Variants in PKP3 observed in about 807,000 individuals in gnomAD.
The protein encoded by PKP3 is plakophilin-3.
In PKP3, 66 loss-of-function variants were observed where a neutral mutation model predicts 76.5. The ratio of observed to expected loss-of-function variants is 0.86; its 90% CI spans 0.71 to 1.06. PKP3 has a LOEUF of 1.06. PKP3 is among the 50% of genes least tolerant of loss of function. The pLI is 0.00. For synonymous variants in PKP3, 638 were observed against 516.5 expected (o/e 1.24, Z -3.19); for missense variants, 1,338 against 1,141.0 (o/e 1.17, Z -2.49).
chr11:397,777 T>C, intron 4 of PKP3, 115 bp downstream of exon 4: 1 of 1,037,948 alleles, frequency 9.6e-7, no homozygotes, highest in East Asian at 2.6e-5. Flanking sequence ...GCTGACTGGG[T>C]AGACCCCACT....
chr11:398,132 C>T, intron 4 of PKP3, among the ~76,000 whole-genome samples: 1 of 70,468 alleles, frequency 1.4e-5, no homozygotes, highest in South Asian at 5.7e-4. Flanking sequence ...CCTACCCCCA[C>T]ATATACCTCA....
rs925281699 is a variant in PKP3 at position 399,950 on chromosome 11, C to T, written c.1274-17C>T. ...GTTGGAGGGCAGACGCTGATAGCAG[C>T]CTCCCCCGTCCTCCAGGGATCCTGT... On this transcript the variant is annotated splice_polypyrimidine_tract_variant and intron_variant, in intron 5 of 12. Coordinates refer to ENST00000331563, the MANE Select transcript of PKP3 (RefSeq NM_007183.4). The T allele has an allele frequency of 5.1e-6, 8 of 1,581,010 alleles. No homozygotes were observed. Among genetic ancestry groups the T allele is most frequent in the Non-Finnish European group, 6.9e-6 (8 of 1,164,752 alleles).
At position 403,171 on chromosome 11, in the gene PKP3, T is replaced by C; in HGVS notation, c.1831T>C (p.Tyr611His). The change falls in exon 9 of 13, where the codon TAC becomes CAC. Residue 611 changes from tyrosine (Y) to histidine (H), a missense_variant. By Grantham distance (83) the Tyr-to-His change is moderately conservative. Coordinates refer to ENST00000331563, the MANE Select transcript of PKP3 (RefSeq NM_007183.4). ...GTGGAGCCCCCAGATCGTGGGGCTG[T>C]ACAACCGGCTGCTGCAGCGCTGCGA... is the stretch of plus-strand genomic sequence containing the variant. ...WLWSPQIVGL[Y>H]NRLLQRCELN... 2 of 1,587,828 alleles carry C rather than the reference T, an allele frequency of 1.3e-6. No homozygotes were observed.
chr11:392,777 C>CT, upstream of PKP3: 1 of 777,462 alleles, frequency 1.3e-6, no homozygotes, highest in Non-Finnish European at 1.9e-6. Flanking sequence ...CTCACCCATC[C>CT]TTTCAGTGGA....
chr11:404,569 G>A lies in PKP3; in HGVS notation c.2394G>A (p.Ter798=). 2 of 1,612,502 alleles carry A rather than the reference G, an allele frequency of 1.2e-6. No homozygotes were observed. The highest frequency in any genetic ancestry group is 1.1e-5 in the South Asian group (1 of 91,090). ...GYRKEDFLGP[*] is the part of the protein sequence containing the mutation. Reference sequence around the variant, plus strand: ...GGAAGGAGGACTTCCTGGGCCCATAGGTGAAGCCTTCTGGAGGAGAAGGTG... The same window carrying A: ...GGAAGGAGGACTTCCTGGGCCCATAAGTGAAGCCTTCTGGAGGAGAAGGTG... The change falls in exon 13 of 13, where the codon TAG becomes TAA. Residue 798 remains the stop codon, a stop_retained_variant. Coordinates refer to ENST00000331563, the MANE Select transcript of PKP3 (RefSeq NM_007183.4). The surrounding 1 kb of genome is among the most constrained non-coding windows in gnomAD (Gnocchi z 4.2).
chr11:395,068 G>A (rs1847027687), intron 1 of PKP3, among the ~76,000 whole-genome samples: 1 of 152,104 alleles, frequency 6.6e-6, no homozygotes, highest in Admixed American at 6.5e-5. Flanking sequence ...AGATTTCTCT[G>A]TGGGAACAGC....
intron 5 of PKP3, 43 bp downstream of exon 5, chr11:399,239 G>A (rs535525277): frequency 1.4e-5 from 19 of 1,313,780 alleles, no homozygotes; most frequent in East Asian, 8.8e-5. Context: ...CTCCACCTGC[G>A]CCCCTCTGCC....
chr11:399,372 C>T (rs1270296849), intron 5 of PKP3, among the ~76,000 whole-genome samples, 176 bp downstream of exon 5: 2 of 33,512 alleles, frequency 6.0e-5, no homozygotes, highest in South Asian at 2.9e-3. Flanking sequence ...CCTTACCCCC[C>T]CACCTGCCCG....
intron 8 of PKP3, among the ~76,000 whole-genome samples, chr11:401,038 A>C (rs1333963069): frequency 6.5e-3 from 2 of 306 alleles, no homozygotes; most frequent in African/African-American, 0.045. Context: ...CCCCGCTCAC[A>C]CCCGGCCCCG....
In PKP3 at chr11:400,168, G is replaced by A. The variant is rs1847127524; in HGVS notation, c.1448+27G>A. 3 of 1,510,372 alleles carry A rather than the reference G, an allele frequency of 2.0e-6. No homozygotes were observed. The South Asian group carries it at 3.9e-5, about 20-fold the overall frequency. 93.6% of individuals were successfully genotyped at this position (1,510,372 alleles called of 1,614,324 possible). ...TGCGCCAGCCTCGGGCAGCGGGGTG[G>A]GGATTGCAGGCGCGGGTCACTGTGG... On this transcript the variant is annotated intron_variant, in intron 6 of 12. Coordinates refer to ENST00000331563, the MANE Select transcript of PKP3 (RefSeq NM_007183.4).
chr11:404,774 G>A lies in PKP3; in HGVS notation c.*205G>A. On this transcript the variant is annotated 3_prime_UTR_variant, in exon 13 of 13. Coordinates refer to ENST00000331563, the MANE Select transcript of PKP3 (RefSeq NM_007183.4). The surrounding 1 kb of genome is among the most constrained non-coding windows in gnomAD (Gnocchi z 4.2). ...GGGACTTGGCTTCCGCAGGGCAGGG[G>A]GTGGGGCAGGGCTCAAGGCTGCTCT... 8.4e-6 allele frequency: 5 copies of A among 594,160 alleles called. No individual in the cohort carries two copies. The highest frequency in any genetic ancestry group is 1.5e-5 in the Non-Finnish European group (5 of 333,196). The allele number at this position is 594,160 out of a possible 1,614,324, so 36.8% of individuals were successfully genotyped here. A position where few individuals can be genotyped will look rare whatever the true frequency, so the allele number is the denominator to read the frequency against.
chr11:397,920 C>T (rs1411999971), intron 4 of PKP3: 10 of 476,894 alleles, frequency 2.1e-5, no homozygotes, highest in East Asian at 3.9e-5. Context: ...GCGTCACCTC[C>T]GTACCCCCAC....
chr11:400,036 T>A lies in PKP3; in HGVS notation c.1343T>A (p.Leu448His). The change falls in exon 6 of 13, where the codon CTC becomes CAC. Residue 448 changes from leucine to histidine, a missense_variant. By Grantham distance (99) the Leu-to-His change is moderately conservative. Transcript: ENST00000331563. Reference sequence around the variant, plus strand: ...CTGGCCAGAGACACGCTGGAGCAGCTCACAGACCTGGTGTTGAGCCCCCTG... The same window carrying A: ...CTGGCCAGAGACACGCTGGAGCAGCACACAGACCTGGTGTTGAGCCCCCTG... Reference protein sequence around the residue: ...DRLARDTLEQLTDLVLSPLSG... With the variant: ...DRLARDTLEQHTDLVLSPLSG... 6.2e-7 allele frequency: 1 copy of A among 1,608,282 alleles called. No homozygotes were observed.
chr11:395,163 G>C (rs916858771), intron 1 of PKP3, among the ~76,000 whole-genome samples: 1 of 152,242 alleles, frequency 6.6e-6, no homozygotes, highest in African/African-American at 2.4e-5. Context: ...GTGCATGCGT[G>C]TGAGTGTGAG....
In PKP3 at chr11:396,279, A is replaced by G. The variant is rs1847043405; in HGVS notation, c.233-329A>G. On this transcript the variant is annotated intron_variant, in intron 1 of 12. Transcript: ENST00000331563. ...CCTGGAGGAGGCTGGGCACTGTACCATGGCAAGGATTGGAGAACTGATGTC... is the reference window on the plus strand; with the variant it reads ...CCTGGAGGAGGCTGGGCACTGTACCGTGGCAAGGATTGGAGAACTGATGTC... 9.5e-6 allele frequency: 3 copies of G among 314,480 alleles called. No individual in the cohort carries two copies. In the South Asian group the frequency reaches 2.0e-4, roughly 21 times the overall value. The allele number at this position is 314,480 out of a possible 1,614,324, so 19.5% of individuals were successfully genotyped here.
upstream of PKP3, chr11:394,074 C>A: frequency 1.6e-6 from 1 of 621,818 alleles, no homozygotes; most frequent in Non-Finnish European, 2.5e-6. Flanking sequence ...TGTTCTTCCG[C>A]CCAAATTCCA....
At position 400,220 on chromosome 11, in the gene PKP3, G is replaced by T; in HGVS notation, c.1448+79G>T. 4 of 1,415,666 alleles carry T rather than the reference G, an allele frequency of 2.8e-6. No homozygotes were observed. The South Asian group carries it at 5.6e-5, about 20-fold the overall frequency. The allele number at this position is 1,415,666 out of a possible 1,614,324, so 87.7% of individuals were successfully genotyped here. ...GACTCCGCCTGGCCTGGCGTTCGCA[G>T]CCCACACACCGCACGCCTCGCGCTG... is the stretch of plus-strand genomic sequence containing the variant. On this transcript the variant is annotated intron_variant, in intron 6 of 12. Coordinates refer to ENST00000331563, the MANE Select transcript of PKP3 (RefSeq NM_007183.4).
At position 400,259 on chromosome 11, in the gene PKP3, G is replaced by C. The variant is rs1453333481; in HGVS notation, c.1449-75G>C. 11 of 1,427,018 alleles carry C rather than the reference G, an allele frequency of 7.7e-6. No individual in the cohort carries two copies. The East Asian group carries it at 2.7e-4, about 36-fold the overall frequency. The allele number at this position is 1,427,018 out of a possible 1,614,324, so 88.4% of individuals were successfully genotyped here. The stretch of plus-strand genomic sequence containing the variant: ...CGCCTCGCGCTGGGGATGGGCGTGC[G>C]AGGGCCCACGATGGGTTGGGGCAAG... On this transcript the variant is annotated intron_variant, in intron 6 of 12. Transcript: ENST00000331563.
chr11:394,403 G>C lies in PKP3; in HGVS notation c.111G>C (p.Glu37Asp). Reference protein sequence around the residue: ...QLDRRGAEGPEAERLRAARVQ... With the variant: ...QLDRRGAEGPDAERLRAARVQ... ...ACCGCCGGGGCGCCGAGGGGCCGGA[G>C]GCCGAGCGGCTGCGGGCAGCCCGCG... Residue 37 changes from glutamate to aspartate, a missense_variant, in exon 1 of 13, where the codon GAG becomes GAC. By Grantham distance (45) the Glu-to-Asp change is conservative. Transcript: ENST00000331563. 2 of 1,479,352 alleles carry C rather than the reference G, an allele frequency of 1.4e-6. No individual in the cohort carries two copies. Among genetic ancestry groups the C allele is most frequent in the Non-Finnish European group, 8.9e-7 (1 of 1,123,242 alleles). 91.6% of individuals were successfully genotyped at this position (1,479,352 alleles called of 1,614,324 possible).
Sources: allele counts gnomAD v4.1 joint callset (sites outside exome capture counted in the v4.1 genomes callset), GRCh38; gene constraint gnomAD v4.1.1; non-coding constraint Gnocchi (gnomAD v3.1); transcripts MANE v1.5; gene names NCBI Gene and HGNC (gene_info 2026-07-23, HGNC 2026-07-21).